ARRDC2: variants seen among roughly 807,000 people sequenced by gnomAD.
ARRDC2 encodes arrestin domain-containing protein 2.
In ARRDC2, 39 loss-of-function variants were observed where a neutral mutation model predicts 38.9. The observed-to-expected ratio is 1.00, with a 90% CI of 0.78 to 1.31. The LOEUF (loss-of-function observed/expected upper bound fraction) is 1.31. ARRDC2 is among the 50% of genes most tolerant of loss of function. ARRDC2 has a pLI of 0.00. For synonymous variants in ARRDC2, 300 were observed against 261.9 expected (o/e 1.15, Z -1.41); for missense variants, 553 against 588.4 (o/e 0.94, Z 0.62).
rs369360778 is a variant in ARRDC2, at chr19:18,010,663, C to T, written c.1104C>T (p.Ser368=). 101 of 1,613,796 alleles carry T rather than the reference C, an allele frequency of 6.3e-5. 1 individual carries two copies. Among genetic ancestry groups the T allele is most frequent in the South Asian group, 2.2e-4 (20 of 91,092 alleles). The change falls in exon 7 of 8, where the codon AGC becomes AGT. Residue 368 remains serine (S), a synonymous_variant. Coordinates refer to ENST00000222250, the MANE Select transcript of ARRDC2 (RefSeq NM_015683.2). ...CGCTTCCGCAGGACCCCGACATGAGCCTTGAAGGCCCGTTCTTCGCCTACA... is the reference window on the plus strand; with the variant it reads ...CGCTTCCGCAGGACCCCGACATGAGTCTTGAAGGCCCGTTCTTCGCCTACA... ...PFPLPQDPDM[S]LEGPFFAYIQ... is the part of the protein sequence containing the mutation.
Position 18,009,676 on chromosome 19 carries a change from C to T in ARRDC2, c.574C>T (p.Arg192Cys), listed in dbSNP as rs148747793. Reference sequence around the variant, plus strand: ...AGTCTCCCTTTCGGCCAAGATCGACCGCAAGGGCTACACCCCAGGTAGCAG... The same window carrying T: ...AGTCTCCCTTTCGGCCAAGATCGACTGCAAGGGCTACACCCCAGGTAGCAG... ...GLVSLSAKID[R>C]KGYTPGEVIP... The change falls in exon 4 of 8, where the codon CGC (arginine) becomes TGC (cysteine). Residue 192 changes from arginine to cysteine, a missense_variant. Coordinates refer to ENST00000222250, the MANE Select transcript of ARRDC2 (RefSeq NM_015683.2). 1.1e-5 allele frequency: 17 copies of T among 1,611,040 alleles called. No homozygotes were observed. In the East Asian group the frequency reaches 1.3e-4, roughly 13 times the overall value.
In ARRDC2 at chr19:18,008,925, C is replaced by T. The variant is rs370560777; in HGVS notation, c.342-46C>T. 1.5e-4 allele frequency: 246 copies of T among 1,608,458 alleles called. 2 individuals are homozygous for T. The African/African-American group carries it at 2.8e-3, about 18-fold the overall frequency. On this transcript the variant is annotated intron_variant, in intron 2 of 7. Transcript: ENST00000222250. ...GTCTGTGTCTCCTTCTCCCTGCCTG[C>T]TTGTCTCTGTATCTTGTCCCCTGAA...
chr19:18,012,960 T>C lies in ARRDC2; in HGVS notation c.1218T>C (p.Thr406=). The stretch of plus-strand genomic sequence containing the variant: ...GGGACATGAGGCCGCGCTGCATGAC[T>C]TGCTGAACGGCACAGGGACCCCTCG... The part of the protein sequence containing the change: ...LLGDMRPRCM[T]C Residue 406 remains threonine (T), a synonymous_variant, in exon 8 of 8, where the codon ACT becomes ACC. Coordinates refer to ENST00000222250, the MANE Select transcript of ARRDC2 (RefSeq NM_015683.2). 1 of 1,613,918 alleles carries C rather than the reference T, an allele frequency of 6.2e-7. No homozygotes were observed. The highest frequency in any genetic ancestry group is 8.5e-7 in the Non-Finnish European group (1 of 1,179,954).
intron 3 of ARRDC2, 105 bp downstream of exon 3, chr19:18,009,223 T>C (rs1599398579): frequency 4.4e-6 from 6 of 1,365,230 alleles, no homozygotes; most frequent in Non-Finnish European, 6.0e-6. Context: ...AGGTGGGCCC[T>C]GGCAGGGAGG....
chr19:18,008,844 T>C, intron 2 of ARRDC2, 67 bp downstream of exon 2: 2 of 1,598,512 alleles, frequency 1.3e-6, no homozygotes, highest in Non-Finnish European at 1.7e-6. Flanking sequence ...CCTCCAATAC[T>C]GGATATCTGG....
At chr19:18,002,106 A>G (rs1238911481) in intron 1 of ARRDC2, among the ~76,000 whole-genome samples, 1 of 151,896 alleles carries the variant, frequency 6.6e-6, no homozygotes, top group Non-Finnish European at 1.5e-5. Context: ...TCCCTGGTGG[A>G]CCCCAGTGTC....
At position 18,010,198 on chromosome 19, in the gene ARRDC2, C is replaced by A; in HGVS notation, c.852C>A (p.Val284=). The change falls in exon 6 of 8, where the codon GTC becomes GTA. Residue 284 remains valine (V), a splice_region_variant and synonymous_variant. Transcript: ENST00000222250. ...RVLHVDYALK[V]CVDIPGTSKL... ...TCCCTTATGGTTCCTTCCTCCAGGT[C>A]TGTGTGGATATCCCAGGAACGTCCA... The A allele has an allele frequency of 6.2e-7, 1 of 1,613,146 alleles. No individual in the cohort carries two copies. The highest frequency in any genetic ancestry group is 8.5e-7 in the Non-Finnish European group (1 of 1,179,644).
chr19:18,009,560 C>T (rs2033360952), intron 3 of ARRDC2, 32 bp from the exon 4 acceptor site: 2 of 1,555,110 alleles, frequency 1.3e-6, no homozygotes, highest in South Asian at 1.2e-5. Flanking sequence ...CACAAAGTGA[C>T]TCATCCATGT....
At chr19:18,012,320 C>T (rs1422108311) in intron 7 of ARRDC2, among the ~76,000 whole-genome samples, 3 of 151,872 alleles carry the variant, frequency 2.0e-5, no homozygotes, top group Non-Finnish European at 4.4e-5. Context: ...GATGCAGTGG[C>T]TCATGCCTGT....
Position 18,009,537 on chromosome 19 carries a change from C to T in ARRDC2, c.490-55C>T, listed in dbSNP as rs76737668. ...TGGGGGTGGTTTGGAAGCTCCACAG[C>T]GACTGTGGTTTGCACAAAGTGACTC... On this transcript the variant is annotated intron_variant, in intron 3 of 7. Coordinates refer to ENST00000222250, the MANE Select transcript of ARRDC2 (RefSeq NM_015683.2). The T allele has an allele frequency of 2.6e-3, 3,865 of 1,488,922 alleles. 98 individuals are homozygous for T. The African/African-American group carries it at 0.049, about 19-fold the overall frequency. 92.2% of individuals were successfully genotyped at this position (1,488,922 alleles called of 1,614,324 possible).
At chr19:18,006,575 T>C (rs972012549), upstream of ARRDC2, among the ~76,000 whole-genome samples, 8 of 152,026 alleles carry the variant, frequency 5.3e-5, no homozygotes, top group African/African-American at 1.9e-4. Flanking sequence ...AGCAGCACAG[T>C]CCAGCTTCTG....
chr19:18,009,602 C>T lies in ARRDC2; in HGVS notation c.500C>T (p.Ala167Val), dbSNP rs768475856. The change falls in exon 4 of 8, where the codon GCG becomes GTG. Residue 167 changes from alanine (A) to valine (V), a missense_variant. Ala to Val is a moderately conservative substitution (Grantham distance 64). Transcript: ENST00000222250. ...CCTCTACACCGACAGGCACCTCAAG[C>T]GGGGGCTCGGGAAAAGGTTGCCCGA... Reference protein sequence around the residue: ...INTPALLAPQAGAREKVARSW... With the variant: ...INTPALLAPQVGAREKVARSW... 2.5e-6 allele frequency: 4 copies of T among 1,602,186 alleles called. No individual in the cohort carries two copies. The highest frequency in any genetic ancestry group is 1.7e-5 in the Admixed American group (1 of 59,138).
chr19:18,002,494 G>A (rs969009333), intron 1 of ARRDC2, among the ~76,000 whole-genome samples: 1 of 152,160 alleles, frequency 6.6e-6, no homozygotes, highest in East Asian at 1.9e-4. Context: ...TCCTCTCTGG[G>A]CCGCCCTGGC....
chr19:18,010,439 G>T, intron 6 of ARRDC2, 81 bp downstream of exon 6: 1 of 1,563,522 alleles, frequency 6.4e-7, no homozygotes, highest in Non-Finnish European at 8.6e-7. Context: ...CTCACCACGA[G>T]TCCCCCGGAA....
At position 18,013,438 on chromosome 19, in the gene ARRDC2, G is replaced by A. The variant is rs1387796572; in HGVS notation, c.*472G>A. On this transcript the variant is annotated 3_prime_UTR_variant, in exon 8 of 8. Coordinates refer to ENST00000222250, the MANE Select transcript of ARRDC2 (RefSeq NM_015683.2). ...AGGAGCTCAGCAGGCAGACGAATGAGGAATAAAGGTCAGAGAAGGTCAGAG... is the reference window on the plus strand; with the variant it reads ...AGGAGCTCAGCAGGCAGACGAATGAAGAATAAAGGTCAGAGAAGGTCAGAG... 2 of 156,366 alleles carry A rather than the reference G, an allele frequency of 1.3e-5. No homozygotes were observed. The highest frequency in any genetic ancestry group is 4.8e-5 in the African/African-American group (2 of 41,502). 9.7% of individuals were successfully genotyped at this position (156,366 alleles called of 1,614,324 possible). A position where few individuals can be genotyped will look rare whatever the true frequency, so the allele number is the denominator to read the frequency against.
In ARRDC2 at chr19:18,013,137, C is replaced by T. The variant is rs142220767; in HGVS notation, c.*171C>T. ...ATATCACATGGGACAGAGGAAGAGCCCGGCTGGAATCTGACTTACCTGGAC... is the reference window on the plus strand; with the variant it reads ...ATATCACATGGGACAGAGGAAGAGCTCGGCTGGAATCTGACTTACCTGGAC... On this transcript the variant is annotated 3_prime_UTR_variant, in exon 8 of 8. Transcript: ENST00000222250. 2.4e-5 allele frequency: 16 copies of T among 659,574 alleles called. No homozygotes were observed. Among genetic ancestry groups the T allele is most frequent in the African/African-American group, 2.4e-4 (13 of 54,368 alleles). The allele number at this position is 659,574 out of a possible 1,614,324, so 40.9% of individuals were successfully genotyped here.
rs771782546 is a variant in ARRDC2 at position 18,008,374 on chromosome 19, C to T, written c.64C>T (p.Pro22Ser). ...GGACGGCGCGACCGCGGGCGTCGAG[C>T]CCGTGTTTAGCGGCGGCCAGGCCGT... ...QLDGATAGVE[P>S]VFSGGQAVAG... The change falls in exon 1 of 8, where the codon CCC (proline) becomes TCC (serine). Residue 22 changes from proline (P) to serine (S), a missense_variant. By Grantham distance (74) the Pro-to-Ser change is moderately conservative (BLOSUM62 -1). Coordinates refer to ENST00000222250, the MANE Select transcript of ARRDC2 (RefSeq NM_015683.2). 8.1e-6 allele frequency: 13 copies of T among 1,596,436 alleles called. No individual in the cohort carries two copies. In the South Asian group the frequency reaches 1.2e-4, roughly 15 times the overall value.
In ARRDC2 at chr19:18,008,197, C is replaced by G; in HGVS notation, c.-114C>G. 6.8e-7 allele frequency: 1 copy of G among 1,469,234 alleles called. No individual in the cohort carries two copies. The highest frequency in any genetic ancestry group is 8.9e-7 in the Non-Finnish European group (1 of 1,119,030). The allele number at this position is 1,469,234 out of a possible 1,614,324, so 91.0% of individuals were successfully genotyped here. A position where few individuals can be genotyped will look rare whatever the true frequency, so the allele number is the denominator to read the frequency against. On this transcript the variant is annotated 5_prime_UTR_variant, in exon 1 of 8. Coordinates refer to ENST00000222250, the MANE Select transcript of ARRDC2 (RefSeq NM_015683.2). ...TTTTCTGCTCCGGTTGGTGAGCGCGCCTGCGCGTTGACGGCGATTTTGCGT... is the reference window on the plus strand; with the variant it reads ...TTTTCTGCTCCGGTTGGTGAGCGCGGCTGCGCGTTGACGGCGATTTTGCGT...
In ARRDC2 at chr19:18,012,962, G is replaced by C. The variant is rs1246776963; in HGVS notation, c.1220G>C (p.Cys407Ser). The change falls in exon 8 of 8, where the codon TGC (cysteine) becomes TCC (serine). Residue 407 changes from cysteine to serine, a missense_variant. By Grantham distance (112) the Cys-to-Ser change is moderately radical. Around this residue, in one of 3 missense-constraint regions of ARRDC2, gnomAD observed 100 missense variants for 107.6 expected, o/e 0.93. Coordinates refer to ENST00000222250, the MANE Select transcript of ARRDC2 (RefSeq NM_015683.2). Reference sequence around the variant, plus strand: ...GACATGAGGCCGCGCTGCATGACTTGCTGAACGGCACAGGGACCCCTCGAG... The same window carrying C: ...GACATGAGGCCGCGCTGCATGACTTCCTGAACGGCACAGGGACCCCTCGAG... ...LGDMRPRCMT[C>S] 1 of 1,613,928 alleles carries C rather than the reference G, an allele frequency of 6.2e-7. No individual in the cohort carries two copies. Among genetic ancestry groups the C allele is most frequent in the Non-Finnish European group, 8.5e-7 (1 of 1,179,952 alleles).
Sources: allele counts gnomAD v4.1 joint callset (sites outside exome capture counted in the v4.1 genomes callset), GRCh38; gene constraint gnomAD v4.1.1; regional missense constraint gnomAD v4.1.1; transcripts MANE v1.5; gene names NCBI Gene and HGNC (gene_info 2026-07-23, HGNC 2026-07-21).